Variants in SRGAP2 observed in about 807,000 individuals in gnomAD.
SRGAP2 encodes SLIT-ROBO Rho GTPase-activating protein 2.
In SRGAP2, 15 loss-of-function variants were observed where a neutral mutation model predicts 57.2. The ratio of observed to expected loss-of-function variants is 0.26; its 90% confidence interval spans 0.18 to 0.40. The LOEUF (loss-of-function observed/expected upper bound fraction) is 0.40, where lower values mean the gene tolerates loss of function less well. Among genes scored for constraint, SRGAP2 ranks in the 10% least tolerant of loss-of-function variants. The probability of loss-of-function intolerance (pLI) is 1.00; values close to 1 mark genes in which losing one functional copy is unlikely to be tolerated. For synonymous variants in SRGAP2, 249 were observed against 248.0 expected, an observed-to-expected ratio of 1.00 and a Z score of -0.04; for missense variants, 520 against 669.6, an observed-to-expected ratio of 0.78 and a Z score of 2.47.
chr1:206,277,708 G>C (rs1301498484), intron 2 of SRGAP2, among the ~76,000 whole-genome samples: 2 of 152,126 alleles, frequency 1.3e-5, no homozygotes, highest in Admixed American at 1.3e-4. Flanking sequence ...GGTGGCTCTT[G>C]CCTGTAATCC....
chr1:206,372,957 T>TTCC lies in SRGAP2; in HGVS notation c.424-11056_424-11055insCCT, dbSNP rs1451754874. On this transcript the variant is annotated intron_variant, in intron 4 of 22. Coordinates refer to ENST00000573034, the MANE Select transcript of SRGAP2 (RefSeq NM_015326.5). Reference sequence around the variant, plus strand: ...TTTCTTTCTTTCTTTCTTTCTTTCTTTTCTTTCCTTTCTTTCTTTCTTTCT... The same window carrying TTCC: ...TTTCTTTCTTTCTTTCTTTCTTTCTTTCCTTCTTTCCTTTCTTTCTTTCTTTCT... Among the ~76,000 whole-genome samples the TTCC allele has an allele frequency of 9.6e-4, 3 of 3,116 alleles. 1 individual carries two copies. Among genetic ancestry groups the TTCC allele is most frequent in the South Asian group, 0.053 (2 of 38 alleles). The allele number at this position is 3,116 out of a possible 152,430, so 2.0% of individuals were successfully genotyped here. A position where few individuals can be genotyped will look rare whatever the true frequency, so the allele number is the denominator to read the frequency against.
At chr1:206,239,323 G>C (rs1668065787) in intron 2 of SRGAP2, among the ~76,000 whole-genome samples, 1 of 148,756 alleles carries the variant, frequency 6.7e-6, no homozygotes, top group Admixed American at 6.7e-5. Context: ...GAAGGAGGCA[G>C]CAGCAAAGGG....
At chr1:206,286,087 T>G (rs1263633718) in intron 2 of SRGAP2, among the ~76,000 whole-genome samples, 2 of 151,404 alleles carry the variant, frequency 1.3e-5, no homozygotes, top group Non-Finnish European at 2.9e-5. Flanking sequence ...TTGCAAATTT[T>G]TATTCTTACT....
chr1:206,305,666 A>C (rs1396360801), intron 3 of SRGAP2, among the ~76,000 whole-genome samples: 1 of 150,636 alleles, frequency 6.6e-6, no homozygotes, highest in African/African-American at 2.5e-5. Context: ...TGCGCACTAA[A>C]TATTGTGGAA....
chr1:206,359,899 C>T (rs1242161448), intron 4 of SRGAP2, among the ~76,000 whole-genome samples: 4 of 146,570 alleles, frequency 2.7e-5, no homozygotes, highest in East Asian at 2.0e-4. Context: ...CTCCGCCTCC[C>T]GGGTTCACGC....
At chr1:206,460,697 C>T (rs1289521986) in intron 22 of SRGAP2, among the ~76,000 whole-genome samples, 1 of 152,148 alleles carries the variant, frequency 6.6e-6, no homozygotes, top group Non-Finnish European at 1.5e-5. Context: ...CATCACCAAA[C>T]TCCTGGCCAT....
chr1:206,411,134 A>G (rs1416534602), intron 10 of SRGAP2, among the ~76,000 whole-genome samples: 1 of 152,246 alleles, frequency 6.6e-6, no homozygotes, highest in Non-Finnish European at 1.5e-5. Context: ...TGCTGGGATT[A>G]CAGGCGTGAG....
At chr1:206,280,564 AT>A (rs1411655027) in intron 2 of SRGAP2, among the ~76,000 whole-genome samples, 80 of 126,456 alleles carry the variant, frequency 6.3e-4, no homozygotes, top group African/African-American at 1.2e-3. Flanking sequence ...ATTGCTCATT[AT>A]GGGTTGTGGT....
chr1:206,241,774 G>T (rs1219680702), intron 2 of SRGAP2, among the ~76,000 whole-genome samples: 4 of 150,734 alleles, frequency 2.7e-5, no homozygotes, highest in African/African-American at 4.9e-5. Context: ...AGAATATTCC[G>T]CTTTGAAAGA....
At chr1:206,443,571 T>TTC (rs1553372829) in intron 17 of SRGAP2, among the ~76,000 whole-genome samples, 1 of 152,088 alleles carries the variant, frequency 6.6e-6, no homozygotes, top group African/African-American at 2.4e-5. Flanking sequence ...GAGACAGGGT[T>TTC]TCACCATGTT....
chr1:206,208,560 T>C (rs1666105575), intron 2 of SRGAP2, among the ~76,000 whole-genome samples: 1 of 152,200 alleles, frequency 6.6e-6, no homozygotes, highest in African/African-American at 2.4e-5. Context: ...GCCATACAGC[T>C]GTGAAGAAGA....
At chr1:206,431,677 G>A (rs1553368340) in intron 14 of SRGAP2, among the ~76,000 whole-genome samples, 2 of 152,242 alleles carry the variant, frequency 1.3e-5, no homozygotes, top group South Asian at 2.1e-4. Context: ...AGGTGGATAA[G>A]CAAATGACCA....
intron 5 of SRGAP2, among the ~76,000 whole-genome samples, chr1:206,387,019 AG>A (rs1656352982): frequency 7.4e-6 from 1 of 135,716 alleles, no homozygotes; most frequent in African/African-American, 2.8e-5. Context: ...CCAGCTACTC[AG>A]GAGGCTGAGG....
chr1:206,442,172 A>G (rs1301387884), intron 17 of SRGAP2, among the ~76,000 whole-genome samples: 1 of 152,156 alleles, frequency 6.6e-6, no homozygotes, highest in Non-Finnish European at 1.5e-5. Context: ...ACTATCATGT[A>G]GCCCCCTTGC....
At chr1:206,439,900 TA>T (rs1343748529) in intron 16 of SRGAP2, 75 bp from the exon 17 acceptor site, 1 of 735,826 alleles carries the variant, frequency 1.4e-6, no homozygotes, top group Non-Finnish European at 2.5e-6. Context: ...CCCCTGCTGG[TA>T]GTAGGGACTT....
At chr1:206,333,996 G>A (rs1674583327) in intron 3 of SRGAP2, among the ~76,000 whole-genome samples, 1 of 152,120 alleles carries the variant, frequency 6.6e-6, no homozygotes, top group Non-Finnish European at 1.5e-5. Flanking sequence ...CTGTAATTTA[G>A]AGCACACAAG....
intron 2 of SRGAP2, among the ~76,000 whole-genome samples, chr1:206,267,944 G>A (rs1374969048): frequency 6.7e-6 from 1 of 150,256 alleles, no homozygotes; most frequent in Non-Finnish European, 1.5e-5. Context: ...TTCAAAATAA[G>A]GAAAATAACA....
chr1:206,384,345 A>G (rs574899151), intron 5 of SRGAP2, among the ~76,000 whole-genome samples: 11 of 152,024 alleles, frequency 7.2e-5, no homozygotes, highest in South Asian at 2.1e-4. Flanking sequence ...AGACCAGCCA[A>G]AGTCTAGGTC....
intron 22 of SRGAP2, among the ~76,000 whole-genome samples, chr1:206,459,688 T>G (rs1466880852): frequency 2.0e-5 from 3 of 152,244 alleles, no homozygotes; most frequent in African/African-American, 7.2e-5. Flanking sequence ...AGGTAGGAAC[T>G]AAGGGCTTAT....
Sources: allele counts gnomAD v4.1 joint callset (sites outside exome capture counted in the v4.1 genomes callset), GRCh38; gene constraint gnomAD v4.1.1; transcripts MANE v1.5; gene names NCBI Gene and HGNC (gene_info 2026-07-23, HGNC 2026-07-21).